The following LTBP1 variants were observed in gnomAD, a reference collection of about 807,000 sequenced individuals.
LTBP1 encodes the protein latent transforming growth factor beta binding protein 1.
A neutral mutation model predicts 207.6 loss-of-function variants in LTBP1; 129 were observed. The ratio of observed to expected loss-of-function variants is 0.62; its 90% confidence interval spans 0.54 to 0.72. The LOEUF (loss-of-function observed/expected upper bound fraction) is 0.72. Among genes scored for constraint, LTBP1 ranks in the 30% least tolerant of loss-of-function variants. The pLI, the probability that LTBP1 is intolerant of heterozygous loss-of-function variation, is 0.00. For missense variants in LTBP1, 2,281 were observed against 2,217.2 expected, an observed-to-expected ratio of 1.03 and a Z score of -0.58; for synonymous variants, 963 against 833.7, an observed-to-expected ratio of 1.16 and a Z score of -2.67.
rs568108936 is a variant in LTBP1 at position 33,325,752 on chromosome 2, C to T, written c.3730+10483C>T. 1.1e-3 allele frequency among the ~76,000 whole-genome samples: 166 copies of T among 152,220 alleles called. 1 individual carries two copies. The South Asian group carries it at 0.012, about 11-fold the overall frequency. On this transcript the variant is annotated intron_variant, in intron 24 of 33. Transcript: ENST00000404816. ...TACCTAAAGAACTGTTTCTGAACAT[C>T]GTGGAATTTATTTATAATGGAGCTA...
chr2:32,989,137 C>T (rs1178649633), intron 2 of LTBP1, among the ~76,000 whole-genome samples: 1 of 152,114 alleles, frequency 6.6e-6, no homozygotes, highest in Non-Finnish European at 1.5e-5. Flanking sequence ...ATATTCTTCT[C>T]AGAAATCCAT....
At chr2:33,118,204 C>CAA (rs548143669) in intron 4 of LTBP1, among the ~76,000 whole-genome samples, 2 of 130,916 alleles carry the variant, frequency 1.5e-5, no homozygotes, top group African/African-American at 5.6e-5. Context: ...AAAAAAAAAA[C>CAA]AAAAAAAAAA....
chr2:33,093,813 T>C (rs1470821606), intron 3 of LTBP1, among the ~76,000 whole-genome samples: 7 of 151,912 alleles, frequency 4.6e-5, no homozygotes, highest in South Asian at 2.1e-4. Flanking sequence ...TGATGATGAT[T>C]ATCATCATCA....
chr2:33,366,004 CA>C (rs1315792747), intron 31 of LTBP1, among the ~76,000 whole-genome samples: 9 of 152,294 alleles, frequency 5.9e-5, no homozygotes, highest in African/African-American at 2.2e-4. Flanking sequence ...AGTATTTCAA[CA>C]AATCTCCTTT....
At chr2:33,056,389 T>C in intron 3 of LTBP1, 1 of 1,263,346 alleles carries the variant, frequency 7.9e-7, no homozygotes, top group Non-Finnish European at 1.0e-6. Context: ...ATGGCCTGGA[T>C]GTTAGGCAAA....
intron 2 of LTBP1, among the ~76,000 whole-genome samples, chr2:33,003,722 G>C (rs964392866): frequency 6.6e-6 from 1 of 152,198 alleles, no homozygotes; most frequent in African/African-American, 2.4e-5. Context: ...CATGAAAGTT[G>C]TAAGAATCAG....
chr2:32,977,829 G>A (rs561304687), intron 2 of LTBP1, among the ~76,000 whole-genome samples: 1 of 152,146 alleles, frequency 6.6e-6, no homozygotes, highest in Non-Finnish European at 1.5e-5. Flanking sequence ...ATGGATCCCG[G>A]AGTAGTTTCA....
At chr2:33,028,052 T>C (rs1476319502) in intron 3 of LTBP1, among the ~76,000 whole-genome samples, 22 of 152,146 alleles carry the variant, frequency 1.4e-4, no homozygotes, top group Admixed American at 1.4e-3. Flanking sequence ...GTTGAGGAGC[T>C]GGAAGTGAGC....
chr2:33,030,051 G>T (rs1055112858), intron 3 of LTBP1, among the ~76,000 whole-genome samples: 1 of 152,142 alleles, frequency 6.6e-6, no homozygotes, highest in African/African-American at 2.4e-5. Context: ...GAGAGTTTCA[G>T]TGCTTTCAGA....
chr2:33,165,795 T>C (rs2084862901), intron 5 of LTBP1, among the ~76,000 whole-genome samples: 1 of 152,232 alleles, frequency 6.6e-6, no homozygotes, highest in Non-Finnish European at 1.5e-5. Context: ...TAAAGTCTGC[T>C]TAAATGCATC....
chr2:33,143,889 G>C (rs1011300231), intron 5 of LTBP1, among the ~76,000 whole-genome samples: 1 of 151,878 alleles, frequency 6.6e-6, no homozygotes, highest in Non-Finnish European at 1.5e-5. Flanking sequence ...AGGACCCGGG[G>C]TTGGTAATCT....
intron 23 of LTBP1, among the ~76,000 whole-genome samples, chr2:33,313,662 A>G (rs2094219000): frequency 6.6e-6 from 1 of 152,234 alleles, no homozygotes; most frequent in Non-Finnish European, 1.5e-5. Context: ...GCTGCTAAGG[A>G]CATGGGATCA....
intron 3 of LTBP1, 114 bp downstream of exon 3, chr2:33,021,320 A>C: frequency 9.9e-7 from 1 of 1,009,880 alleles, no homozygotes; most frequent in African/African-American, 1.6e-5. Flanking sequence ...CTTGGATAAT[A>C]ATGTTTTTCT....
chr2:33,278,677 T>G (rs1241806619), intron 18 of LTBP1, among the ~76,000 whole-genome samples: 1 of 152,224 alleles, frequency 6.6e-6, no homozygotes, highest in Non-Finnish European at 1.5e-5. Flanking sequence ...TGGGCTAGCC[T>G]GTCTCGATGG....
chr2:33,200,780 G>GA (rs984189115), intron 7 of LTBP1, among the ~76,000 whole-genome samples: 58 of 151,784 alleles, frequency 3.8e-4, no homozygotes, highest in African/African-American at 9.4e-4. Flanking sequence ...AAATTTACAA[G>GA]AAAAAAACAA....
chr2:33,117,513 G>C (rs766578467), intron 4 of LTBP1, among the ~76,000 whole-genome samples: 1 of 152,220 alleles, frequency 6.6e-6, no homozygotes, highest in East Asian at 1.9e-4. Context: ...TGAGAGAGCA[G>C]AGTGCTTTGG....
At chr2:33,030,266 T>G (rs1342453697) in intron 3 of LTBP1, among the ~76,000 whole-genome samples, 1 of 152,122 alleles carries the variant, frequency 6.6e-6, no homozygotes, top group Non-Finnish European at 1.5e-5. Flanking sequence ...ATTTTGACAT[T>G]AGGATGCACT....
intron 5 of LTBP1, among the ~76,000 whole-genome samples, chr2:33,185,256 G>A (rs2087073758): frequency 6.6e-6 from 1 of 152,188 alleles, no homozygotes; most frequent in African/African-American, 2.4e-5. Context: ...TTTGGTGAAT[G>A]TTCAGGAGGG....
intron 24 of LTBP1, among the ~76,000 whole-genome samples, chr2:33,315,627 T>G (rs920021002): frequency 6.6e-6 from 1 of 152,196 alleles, no homozygotes; most frequent in Non-Finnish European, 1.5e-5. Flanking sequence ...TTCATGTAGA[T>G]CGTCTTGATC....
Sources: allele counts gnomAD v4.1 joint callset (sites outside exome capture counted in the v4.1 genomes callset), GRCh38; gene constraint gnomAD v4.1.1; transcripts MANE v1.5; gene names NCBI Gene and HGNC (gene_info 2026-07-23, HGNC 2026-07-21).